The following RPL11 variants were observed in gnomAD, a reference collection of about 807,000 sequenced individuals.
RPL11 encodes the protein ribosomal protein L11.
In RPL11, 3 loss-of-function variants were observed where a neutral mutation model predicts 24.1. The ratio of observed to expected loss-of-function variants is 0.12; its 90% confidence interval spans 0.06 to 0.32. RPL11 has a LOEUF of 0.32. Ranked by LOEUF, RPL11 falls within the 10% of genes least tolerant of loss-of-function variation. The pLI is 1.00. For synonymous variants in RPL11, 96 were observed against 75.7 expected, an observed-to-expected ratio of 1.27 and a Z score of -1.39; for missense variants, 146 against 225.7, an observed-to-expected ratio of 0.65 and a Z score of 2.26.
In RPL11 at chr1:23,695,837, C is replaced by T. The variant is rs1001063696; in HGVS notation, c.436C>T (p.Arg146Cys). ...AGGTTTCAGCATCGCAGACAAGAAG[C>T]GCAGGACAGGCTGCATTGGGGCCAA... Reference protein sequence around the residue: ...RPGFSIADKKRRTGCIGAKHR... With the variant: ...RPGFSIADKKCRTGCIGAKHR... The change falls in exon 5 of 6, where the codon CGC (arginine) becomes TGC (cysteine). Residue 146 changes from arginine (R) to cysteine (C), a missense_variant. Arg to Cys is a radical substitution (Grantham distance 180, BLOSUM62 -3). Transcript: ENST00000643754. 10 of 1,600,660 alleles carry T rather than the reference C, an allele frequency of 6.2e-6. No individual in the cohort carries two copies. The highest frequency in any genetic ancestry group is 1.3e-5 in the African/African-American group (1 of 74,706).
In RPL11 at chr1:23,693,920, C is replaced by T. The variant is rs2124430240; in HGVS notation, c.264+7C>T. On this transcript the variant is annotated splice_region_variant and intron_variant, in intron 3 of 5. Transcript: ENST00000643754. Reference sequence around the variant, plus strand: ...CTTGGAGAAGGGTCTAAAGGTGAGCCTAATCCCCTAATGGAGTGATATTGA... The same window carrying T: ...CTTGGAGAAGGGTCTAAAGGTGAGCTTAATCCCCTAATGGAGTGATATTGA... 1.3e-6 allele frequency: 2 copies of T among 1,596,340 alleles called. No homozygotes were observed. Among genetic ancestry groups the T allele is most frequent in the South Asian group, 1.1e-5 (1 of 90,732 alleles).
chr1:23,694,915 T>C, intron 4 of RPL11, 124 bp downstream of exon 4: 2 of 1,465,212 alleles, frequency 1.4e-6, no homozygotes, highest in East Asian at 2.3e-5. Flanking sequence ...CTTTGTGTTC[T>C]CCTCCCCCTT....
At chr1:23,693,428 T>A (rs1025790738) in intron 2 of RPL11, among the ~76,000 whole-genome samples, 2 of 152,218 alleles carry the variant, frequency 1.3e-5, no homozygotes, top group African/African-American at 2.4e-5. Flanking sequence ...ACCTCACCTG[T>A]AAAATATGGA....
At chr1:23,691,866 C>G (rs200991641) in intron 1 of RPL11, 37 bp downstream of exon 1, 2 of 1,614,134 alleles carry the variant, frequency 1.2e-6, no homozygotes, top group Non-Finnish European at 1.7e-6. Context: ...TTCCTTTATC[C>G]GTCGCCATCC....
At chr1:23,692,835 T>G (rs899072540) in intron 2 of RPL11, 76 bp downstream of exon 2, 2 of 1,592,776 alleles carry the variant, frequency 1.3e-6, no homozygotes, top group African/African-American at 2.7e-5. Context: ...TGCTGTCGAG[T>G]CTGTTTAGAA....
At chr1:23,696,289 T>C in intron 5 of RPL11, 55 bp from the exon 6 acceptor site, 5 of 1,547,468 alleles carry the variant, frequency 3.2e-6, no homozygotes, top group Middle Eastern at 1.7e-4. Context: ...TAGCCATTGC[T>C]GCAATCTCTG....
intron 2 of RPL11, among the ~76,000 whole-genome samples, chr1:23,692,977 A>G (rs544195772): frequency 3.7e-4 from 56 of 151,780 alleles, no homozygotes; most frequent in African/African-American, 1.3e-3. Context: ...TTAAGCTAAG[A>G]CTAGCCCAAG....
chr1:23,693,759 T>G (rs1015939056), intron 2 of RPL11, 48 bp from the exon 3 acceptor site: 1 of 1,225,240 alleles, frequency 8.2e-7, no homozygotes, highest in Non-Finnish European at 1.2e-6. Context: ...GAGGTGAGTG[T>G]AGTGGGGGTA....
chr1:23,691,898 G>A, intron 1 of RPL11, 69 bp downstream of exon 1: 2 of 1,603,564 alleles, frequency 1.2e-6, no homozygotes, highest in Middle Eastern at 1.7e-4. Flanking sequence ...AGCCTGCGGG[G>A]GCTACTTCGC....
chr1:23,695,612 TACA>T, intron 4 of RPL11, 183 bp from the exon 5 acceptor site: 1 of 647,094 alleles, frequency 1.5e-6, no homozygotes, highest in Non-Finnish European at 2.8e-6. Flanking sequence ...AAAGCAAACT[TACA>T]GTATGGCTGT....
chr1:23,692,292 C>T (rs1413465451), intron 1 of RPL11: 2 of 430,100 alleles, frequency 4.7e-6, no homozygotes, highest in Non-Finnish European at 8.6e-6. Context: ...TTTCTTCGCT[C>T]ACTCCCCTTA....
intron 4 of RPL11, 89 bp from the exon 5 acceptor site, chr1:23,695,709 C>A: frequency 8.0e-7 from 1 of 1,245,878 alleles, no homozygotes; most frequent in Non-Finnish European, 1.1e-6. Flanking sequence ...CCAAGTGACT[C>A]TTTGAAGATC....
chr1:23,692,101 G>T (rs116665486), intron 1 of RPL11: 1 of 579,806 alleles, frequency 1.7e-6, no homozygotes, highest in Non-Finnish European at 3.1e-6. Context: ...TGAATGGAGG[G>T]TTCTGAGGCA....
chr1:23,694,905 C>CT, intron 4 of RPL11, 114 bp downstream of exon 4: 1 of 1,510,140 alleles, frequency 6.6e-7, no homozygotes, highest in Middle Eastern at 1.7e-4. Context: ...TATTGTCTGC[C>CT]TTTGTGTTCT....
At chr1:23,695,681 C>G in intron 4 of RPL11, 117 bp from the exon 5 acceptor site, 1 of 934,240 alleles carries the variant, frequency 1.1e-6, no homozygotes, top group Non-Finnish European at 1.7e-6. Context: ...GGGTCTTGCT[C>G]CAGAATCCAT....
intron 1 of RPL11, chr1:23,692,095 T>G: frequency 1.7e-6 from 1 of 584,952 alleles, no homozygotes; most frequent in East Asian, 2.9e-5. Context: ...ATGGGGTGAA[T>G]GGAGGGTTCT....
At chr1:23,691,932 C>G (rs934809815) in intron 1 of RPL11, 103 bp downstream of exon 1, 21 of 1,477,652 alleles carry the variant, frequency 1.4e-5, no homozygotes, top group Non-Finnish European at 2.0e-5. Context: ...AATATGGAGC[C>G]CGCAATGCCT....
chr1:23,695,486 G>T, intron 4 of RPL11: 1 of 396,290 alleles, frequency 2.5e-6, no homozygotes, highest in South Asian at 2.3e-5. Flanking sequence ...TGTGGCAATA[G>T]ATTTTTAAAT....
At position 23,693,392 on chromosome 1, in the gene RPL11, TTTGGC is replaced by T. The variant is rs1173262600; in HGVS notation, c.158-414_158-410del. ...CTGCTTTTTGTTACCAGCTGTGATGTTTGGCAAGTTAATAAACCTCTCAAAACCTC... is the reference window on the plus strand; with the variant it reads ...CTGCTTTTTGTTACCAGCTGTGATGTAAGTTAATAAACCTCTCAAAACCTC... On this transcript the variant is annotated intron_variant, in intron 2 of 5. Transcript: ENST00000643754. Among the ~76,000 whole-genome samples, 11 of 152,360 alleles carry T rather than the reference TTTGGC, an allele frequency of 7.2e-5. No homozygotes were observed. In the East Asian group the frequency reaches 7.7e-4, roughly 11 times the overall value.
Sources: allele counts gnomAD v4.1 joint callset (sites outside exome capture counted in the v4.1 genomes callset), GRCh38; gene constraint gnomAD v4.1.1; transcripts MANE v1.5; gene names NCBI Gene and HGNC (gene_info 2026-07-23, HGNC 2026-07-21).